BTBD2: variants seen among roughly 807,000 people sequenced by gnomAD.
BTBD2 encodes BTB domain containing 2.
BTBD2 carries 15 observed loss-of-function variants against 44.0 expected under a neutral mutation model. The ratio of observed to expected loss-of-function variants is 0.34; its 90% confidence interval spans 0.23 to 0.53. BTBD2 has a LOEUF of 0.53. BTBD2 is among the 20% of genes least tolerant of loss of function. The pLI is 0.95. For missense variants in BTBD2, 657 were observed against 746.4 expected, an observed-to-expected ratio of 0.88 and a Z score of 1.39; for synonymous variants, 443 against 335.9, an observed-to-expected ratio of 1.32 and a Z score of -3.49.
chr19:2,007,249 C>T (rs1235996661), intron 1 of BTBD2, among the ~76,000 whole-genome samples: 4 of 152,158 alleles, frequency 2.6e-5, no homozygotes, highest in East Asian at 1.9e-4. Context: ...CCTCGGCCTC[C>T]GAAAGTGCCA....
intron 2 of BTBD2, among the ~76,000 whole-genome samples, chr19:1,996,280 T>C (rs2145631239): frequency 6.6e-6 from 1 of 152,248 alleles, no homozygotes; most frequent in South Asian, 2.1e-4. Context: ...GTTGTGGCTA[T>C]TCAGGGTCCC....
At chr19:1,993,814 T>A (rs961248860) in intron 2 of BTBD2, among the ~76,000 whole-genome samples, 1 of 145,866 alleles carries the variant, frequency 6.9e-6, no homozygotes, top group Non-Finnish European at 1.5e-5. Flanking sequence ...CTGGCCAACA[T>A]GGTGAAACCC....
chr19:2,006,391 C>T (rs533035897), intron 1 of BTBD2, among the ~76,000 whole-genome samples: 1 of 151,898 alleles, frequency 6.6e-6, no homozygotes, highest in Non-Finnish European at 1.5e-5. Context: ...GTAAACATGC[C>T]AGCTACTCGG....
intron 1 of BTBD2, among the ~76,000 whole-genome samples, chr19:2,012,651 G>A (rs1198010681): frequency 3.9e-5 from 6 of 152,148 alleles, no homozygotes; most frequent in African/African-American, 1.4e-4. Context: ...TCGAGGGTCC[G>A]CTGTCCCAGG....
intron 1 of BTBD2, among the ~76,000 whole-genome samples, chr19:2,008,521 C>A (rs367854996): frequency 6.6e-6 from 1 of 151,950 alleles, no homozygotes; most frequent in East Asian, 1.9e-4. Flanking sequence ...GAACTCCTGA[C>A]CTCAGGTGAT....
intron 2 of BTBD2, among the ~76,000 whole-genome samples, chr19:1,993,586 G>A (rs1386653135): frequency 6.6e-6 from 1 of 152,082 alleles, no homozygotes; most frequent in African/African-American, 2.4e-5. Flanking sequence ...ACTTCTGGGT[G>A]GATCATAGAA....
intron 5 of BTBD2, chr19:1,987,972 G>A (rs1198795565): frequency 4.5e-6 from 2 of 440,062 alleles, no homozygotes; most frequent in South Asian, 3.3e-5. Flanking sequence ...TGATGTCTCA[G>A]GGTCTGGCCC....
intron 7 of BTBD2, 49 bp downstream of exon 7, chr19:1,987,117 G>C (rs1280356090): frequency 6.2e-7 from 1 of 1,600,202 alleles, no homozygotes; most frequent in African/African-American, 1.3e-5. Flanking sequence ...GAGGTGGAGA[G>C]AGGACATGGG....
At chr19:2,010,108 C>T (rs928595709) in intron 1 of BTBD2, among the ~76,000 whole-genome samples, 5 of 152,118 alleles carry the variant, frequency 3.3e-5, no homozygotes, top group Non-Finnish European at 5.9e-5. Flanking sequence ...GCGGAGATCG[C>T]GCCACTGGAC....
intron 5 of BTBD2, among the ~76,000 whole-genome samples, chr19:1,988,921 T>G (rs1220164220): frequency 6.6e-6 from 1 of 151,396 alleles, no homozygotes; most frequent in African/African-American, 2.4e-5. Flanking sequence ...TGTATATATT[T>G]TTTTATTTTA....
At chr19:1,988,009 CTG>C in intron 5 of BTBD2, 1 of 318,870 alleles carries the variant, frequency 3.1e-6, no homozygotes, top group South Asian at 5.8e-5. Flanking sequence ...CGTCACTTCA[CTG>C]TGGGTGGGGG....
chr19:2,001,446 C>T (rs186603855), intron 1 of BTBD2, among the ~76,000 whole-genome samples: 6 of 152,134 alleles, frequency 3.9e-5, no homozygotes, highest in Admixed American at 3.9e-4. Flanking sequence ...GAGCTGAGAT[C>T]GTACCACTGC....
chr19:1,999,333 G>A (rs969655381), intron 1 of BTBD2, among the ~76,000 whole-genome samples: 7 of 152,208 alleles, frequency 4.6e-5, no homozygotes, highest in Non-Finnish European at 7.4e-5. Flanking sequence ...CGAAGGCGCC[G>A]GGGAAGGCTG....
chr19:2,012,401 C>T (rs543217999), intron 1 of BTBD2, among the ~76,000 whole-genome samples: 11 of 152,234 alleles, frequency 7.2e-5, no homozygotes, highest in East Asian at 1.9e-4. Flanking sequence ...CTGCCCGCCT[C>T]GGCCTCCCAA....
Position 1,993,095 on chromosome 19 carries a change from T to C in BTBD2, c.609A>G (p.Pro203=). 6.2e-7 allele frequency: 1 copy of C among 1,609,098 alleles called. No homozygotes were observed. The highest frequency in any genetic ancestry group is 1.1e-5 in the South Asian group (1 of 90,902). ...ACTCCACGCAATGGGCCTCGAGCGC[T>C]GGCACCGCGTACTTCTTGGCGGTGT... ...TLYTAKKYAV[P]ALEAHCVEFL... is the part of the protein sequence containing the mutation. The change falls in exon 3 of 9, where the codon CCA becomes CCG. Residue 203 remains proline (P), a synonymous_variant. Transcript: ENST00000255608.
At chr19:1,989,769 T>C (rs2016146136) in intron 5 of BTBD2, 1 of 572,586 alleles carries the variant, frequency 1.7e-6, no homozygotes, top group Admixed American at 3.1e-5. Flanking sequence ...CCAAAACAGC[T>C]GGACAGACAC....
Position 1,993,037 on chromosome 19 carries a change from A to C in BTBD2, c.667T>G (p.Phe223Val). ...LKKNLRADNAFMLLTQARLFD... is the reference protein window; with the variant it reads ...LKKNLRADNAVMLLTQARLFD... ...CCGCCCACCTGCGTGAGCAGCATGAAGGCGTTGTCGGCTCGCAGGTTCTTC... is the reference window on the plus strand; with the variant it reads ...CCGCCCACCTGCGTGAGCAGCATGACGGCGTTGTCGGCTCGCAGGTTCTTC... The change falls in exon 3 of 9, where the codon TTC becomes GTC. Residue 223 changes from phenylalanine (F) to valine (V), a missense_variant. Physicochemically the swap from Phe to Val is conservative, Grantham distance 50 (BLOSUM62 -1). Around this residue, in one of 3 missense-constraint regions of BTBD2, gnomAD observed 449 missense variants for 510.9 expected, o/e 0.88. Transcript: ENST00000255608. 1.3e-6 allele frequency: 2 copies of C among 1,597,326 alleles called. No homozygotes were observed. Among genetic ancestry groups the C allele is most frequent in the South Asian group, 1.1e-5 (1 of 90,116 alleles).
At chr19:2,013,599 T>G (rs1599363293) in intron 1 of BTBD2, 9 of 984,652 alleles carry the variant, frequency 9.1e-6, no homozygotes, top group Non-Finnish European at 1.1e-5. Context: ...TGGAGGTGGG[T>G]GGTCACTGAA....
At chr19:2,013,702 G>A (rs2016496093) in intron 1 of BTBD2, 1 of 984,562 alleles carries the variant, frequency 1.0e-6, no homozygotes, top group Non-Finnish European at 1.2e-6. Context: ...GGACTGCAGG[G>A]CGGGCAGGGG....
Sources: allele counts gnomAD v4.1 joint callset (sites outside exome capture counted in the v4.1 genomes callset), GRCh38; gene constraint gnomAD v4.1.1; regional missense constraint gnomAD v4.1.1; transcripts MANE v1.5; gene names NCBI Gene and HGNC (gene_info 2026-07-23, HGNC 2026-07-21).